Variants in OR1J2 observed in about 807,000 individuals in gnomAD.
OR1J2 encodes olfactory receptor family 1 subfamily J member 2, also known as olfactory receptor 1J2.
For synonymous variants in OR1J2, 142 were observed against 99.7 expected (o/e 1.42, Z -2.52); for missense variants, 304 against 246.1 (o/e 1.24, Z -1.57).
the OR1J2 span, among the ~76,000 whole-genome samples, chr9:122,495,285 A>G: frequency 6.6e-6 from 1 of 152,308 alleles, no homozygotes; most frequent in Middle Eastern, 3.4e-3. Flanking sequence ...ATGTTTCCCA[A>G]AATTTTAGAT....
At chr9:122,487,203 A>G in the OR1J2 span, among the ~76,000 whole-genome samples, 2 of 152,216 alleles carry the variant, frequency 1.3e-5, no homozygotes, top group African/African-American at 2.4e-5. Flanking sequence ...AGGAAATTGC[A>G]TGTAGGTATG....
chr9:122,543,002 T>C, the OR1J2 span, among the ~76,000 whole-genome samples: 20 of 152,236 alleles, frequency 1.3e-4, no homozygotes, highest in Non-Finnish European at 2.9e-4. Flanking sequence ...TGTTTATGCC[T>C]TTTATAGCTG....
At chr9:122,516,581 G>A (rs529398074), downstream of OR1J2, among the ~76,000 whole-genome samples, 8 of 152,266 alleles carry the variant, frequency 5.3e-5, no homozygotes, top group Middle Eastern at 0.01. Flanking sequence ...GGGATTACAG[G>A]CGTGAGCCAC....
the OR1J2 span, among the ~76,000 whole-genome samples, chr9:122,453,259 T>C: frequency 6.6e-6 from 1 of 152,148 alleles, no homozygotes; most frequent in East Asian, 1.9e-4. Flanking sequence ...AGGTATTCCT[T>C]TACAGCCATG....
the OR1J2 span, chr9:122,568,062 T>TGGC: frequency 6.2e-7 from 1 of 1,613,944 alleles, no homozygotes; most frequent in South Asian, 1.1e-5. Flanking sequence ...ACAGTGGTGG[T>TGGC]GGCTCATGGT....
the OR1J2 span, among the ~76,000 whole-genome samples, chr9:122,479,033 G>T: frequency 1.3e-5 from 2 of 152,112 alleles, no homozygotes; most frequent in Admixed American, 6.5e-5. Context: ...CAGCCTAATT[G>T]CTCTGATCTT....
At chr9:122,568,966 G>A in the OR1J2 span, among the ~76,000 whole-genome samples, 1 of 150,822 alleles carries the variant, frequency 6.6e-6, no homozygotes, top group South Asian at 2.1e-4. Context: ...TCAGACTGGG[G>A]GTATTTTAGA....
the OR1J2 span, among the ~76,000 whole-genome samples, chr9:122,478,198 C>T: frequency 4.6e-5 from 7 of 152,168 alleles, no homozygotes; most frequent in Non-Finnish European, 1.0e-4. Flanking sequence ...ATACACTGTT[C>T]CAATAGCTGA....
At chr9:122,536,445 G>A in the OR1J2 span, among the ~76,000 whole-genome samples, 1 of 152,074 alleles carries the variant, frequency 6.6e-6, no homozygotes, top group African/African-American at 2.4e-5. Context: ...AAACCCAAAA[G>A]GACAGAGAAG....
chr9:122,517,983 A>G, the OR1J2 span, among the ~76,000 whole-genome samples: 4 of 152,034 alleles, frequency 2.6e-5, no homozygotes, highest in Non-Finnish European at 5.9e-5. Context: ...CTGTTCCTGC[A>G]TTAGTTTGCT....
the OR1J2 span, among the ~76,000 whole-genome samples, chr9:122,536,759 A>G: frequency 1.6e-4 from 25 of 152,308 alleles, no homozygotes; most frequent in Admixed American, 1.4e-3. Context: ...GATAGGTTCC[A>G]GTTTCATTCT....
the OR1J2 span, among the ~76,000 whole-genome samples, chr9:122,495,264 T>C: frequency 6.6e-6 from 1 of 152,226 alleles, no homozygotes; most frequent in Non-Finnish European, 1.5e-5. Flanking sequence ...TCCTTGATTA[T>C]TCCTTCAAAT....
chr9:122,526,522 G>T, the OR1J2 span: 1 of 1,601,402 alleles, frequency 6.2e-7, no homozygotes, highest in Non-Finnish European at 8.5e-7. Context: ...GGAGGACACA[G>T]GTAGGCACTG....
At chr9:122,471,064 G>A in the OR1J2 span, among the ~76,000 whole-genome samples, 1 of 152,146 alleles carries the variant, frequency 6.6e-6, no homozygotes, top group Non-Finnish European at 1.5e-5. Flanking sequence ...TTAAACTTTG[G>A]GGGACTGTAG....
At chr9:122,538,365 T>C in the OR1J2 span, among the ~76,000 whole-genome samples, 116 of 152,354 alleles carry the variant, frequency 7.6e-4, no homozygotes, top group African/African-American at 1.9e-3. Context: ...TATTTCTAGG[T>C]ATCTTACTTT....
At chr9:122,575,331 T>C in the OR1J2 span, among the ~76,000 whole-genome samples, 1 of 152,140 alleles carries the variant, frequency 6.6e-6, no homozygotes, top group Non-Finnish European at 1.5e-5. Context: ...TGCTTTCTGC[T>C]TTGGGAGTTT....
chr9:122,572,062 G>A, the OR1J2 span, among the ~76,000 whole-genome samples: 2 of 152,168 alleles, frequency 1.3e-5, no homozygotes, highest in African/African-American at 4.8e-5. Context: ...ATCTTACATG[G>A]CAGGAGCAGA....
chr9:122,469,318 G>C, the OR1J2 span, among the ~76,000 whole-genome samples: 1 of 152,138 alleles, frequency 6.6e-6, no homozygotes, highest in Non-Finnish European at 1.5e-5. Context: ...CCCCCATACC[G>C]TTCTCATGGT....
the OR1J2 span, among the ~76,000 whole-genome samples, chr9:122,492,434 A>G: frequency 2.0e-5 from 3 of 152,084 alleles, no homozygotes; most frequent in Non-Finnish European, 2.9e-5. Flanking sequence ...TGTCTTTGCT[A>G]TCGTGAATAG....
Sources: allele counts gnomAD v4.1 joint callset (sites outside exome capture counted in the v4.1 genomes callset), GRCh38; gene constraint gnomAD v4.1.1; transcripts MANE v1.5; gene names NCBI Gene and HGNC (gene_info 2026-07-23, HGNC 2026-07-21).